LRP1B: variants seen among roughly 807,000 people sequenced by gnomAD.
The protein encoded by LRP1B is low-density lipoprotein receptor-related protein 1B.
Under a neutral mutation model 556.6 loss-of-function variants are expected in LRP1B, and 217 were observed. The observed-to-expected ratio is 0.39, with a 90% CI of 0.35 to 0.44. LRP1B has a LOEUF of 0.44. Among genes scored for constraint, LRP1B ranks in the 20% least tolerant of loss-of-function variants. The pLI is 1.00. For synonymous variants in LRP1B, 2,047 were observed against 1,865.8 expected (o/e 1.10, Z -2.50); for missense variants, 5,053 against 5,620.8 (o/e 0.90, Z 3.23).
chr2:141,365,199 A>G (rs976542322), intron 3 of LRP1B, among the ~76,000 whole-genome samples: 1 of 151,924 alleles, frequency 6.6e-6, no homozygotes, highest in Non-Finnish European at 1.5e-5. Flanking sequence ...TGAAAGAAAA[A>G]AAATTATGAT....
intron 2 of LRP1B, among the ~76,000 whole-genome samples, 181 bp downstream of exon 2, chr2:141,810,098 A>G (rs1335493318): frequency 5.2e-5 from 7 of 134,896 alleles, no homozygotes. Flanking sequence ...TTTGGAAAAA[A>G]GAAAGAAAGA....
At chr2:140,820,866 T>C (rs889901622) in intron 31 of LRP1B, among the ~76,000 whole-genome samples, 3 of 151,926 alleles carry the variant, frequency 2.0e-5, no homozygotes, top group African/African-American at 7.2e-5. Flanking sequence ...CTGCTTTTCT[T>C]TTCTGCTGAT....
chr2:140,969,671 C>T (rs1438061351), intron 18 of LRP1B, among the ~76,000 whole-genome samples: 3 of 152,130 alleles, frequency 2.0e-5, no homozygotes, highest in Non-Finnish European at 4.4e-5. Context: ...ACCGGTGATT[C>T]TGTTCCATGT....
At chr2:140,710,039 T>C (rs1445117086) in intron 37 of LRP1B, among the ~76,000 whole-genome samples, 1 of 152,078 alleles carries the variant, frequency 6.6e-6, no homozygotes, top group Non-Finnish European at 1.5e-5. Flanking sequence ...TGACATAATA[T>C]TTTTAAAATG....
In LRP1B at chr2:140,701,792, G is replaced by T. The variant is rs147598746; in HGVS notation, c.6356C>A (p.Thr2119Lys). 2 of 1,613,104 alleles carry T rather than the reference G, an allele frequency of 1.2e-6. No homozygotes were observed. The highest frequency in any genetic ancestry group is 1.7e-4 in the Middle Eastern group (1 of 6,056). The change falls in exon 40 of 91, where the codon ACG (threonine) becomes AAG (lysine). Residue 2119 changes from threonine (T) to lysine (K), a missense_variant. Around this residue, in one of 5 missense-constraint regions of LRP1B, gnomAD observed 3,619 missense variants for 3,931.9 expected, o/e 0.92. Transcript: ENST00000389484. ...RRGHKNDATE[T>K]ITMRTGLGVN... is the part of the protein sequence containing the mutation. ...TCCAAGGCCGGTTCTCATGGTTATCGTTTCTGTGGCATCATTCTTGTGGCC... is the reference window on the plus strand; with the variant it reads ...TCCAAGGCCGGTTCTCATGGTTATCTTTTCTGTGGCATCATTCTTGTGGCC...
At chr2:141,678,243 A>G (rs1690963068) in intron 2 of LRP1B, among the ~76,000 whole-genome samples, 1 of 152,216 alleles carries the variant, frequency 6.6e-6, no homozygotes, top group Admixed American at 6.5e-5. Flanking sequence ...TAGGAAAAGA[A>G]TATCAGCTAT....
At chr2:140,386,605 T>C (rs773416424) in intron 66 of LRP1B, among the ~76,000 whole-genome samples, 1 of 152,170 alleles carries the variant, frequency 6.6e-6, no homozygotes, top group Non-Finnish European at 1.5e-5. Flanking sequence ...CTTTAAACAA[T>C]TGCACTGAGT....
intron 1 of LRP1B, among the ~76,000 whole-genome samples, chr2:142,026,392 C>T (rs1266161784): frequency 2.6e-5 from 4 of 152,058 alleles, no homozygotes; most frequent in East Asian, 3.9e-4. Flanking sequence ...ATCATTCCTG[C>T]GACCAGCCTC....
chr2:141,231,072 C>T (rs1207311096), intron 5 of LRP1B, among the ~76,000 whole-genome samples: 1 of 152,172 alleles, frequency 6.6e-6, no homozygotes, highest in Non-Finnish European at 1.5e-5. Context: ...ATTTATTTAA[C>T]CTATGAAGGG....
At chr2:141,363,347 T>G (rs1688905714) in intron 3 of LRP1B, among the ~76,000 whole-genome samples, 1 of 152,170 alleles carries the variant, frequency 6.6e-6, no homozygotes, top group Non-Finnish European at 1.5e-5. Flanking sequence ...TATTTCTTTC[T>G]CTATTGAGGG....
At chr2:141,552,619 T>C (rs1685795032) in intron 2 of LRP1B, among the ~76,000 whole-genome samples, 1 of 152,000 alleles carries the variant, frequency 6.6e-6, no homozygotes. Context: ...CCTCATAACA[T>C]AGCAAATGTA....
intron 1 of LRP1B, among the ~76,000 whole-genome samples, chr2:141,895,454 G>A (rs1198074000): frequency 1.3e-5 from 2 of 152,076 alleles, no homozygotes; most frequent in African/African-American, 2.4e-5. Context: ...CTTTTGATTT[G>A]GTTTACTTAT....
intron 18 of LRP1B, among the ~76,000 whole-genome samples, chr2:140,980,590 G>C (rs954755293): frequency 3.3e-5 from 5 of 152,082 alleles, no homozygotes; most frequent in Non-Finnish European, 7.4e-5. Flanking sequence ...TGTTTACAGG[G>C]ACATAATAGT....
At chr2:142,001,102 C>T (rs1214081957) in intron 1 of LRP1B, among the ~76,000 whole-genome samples, 1 of 152,152 alleles carries the variant, frequency 6.6e-6, no homozygotes, top group African/African-American at 2.4e-5. Context: ...GTAATATGTG[C>T]TTTTCGCCTT....
intron 86 of LRP1B, among the ~76,000 whole-genome samples, chr2:140,263,400 C>A (rs1386758774): frequency 6.6e-6 from 1 of 152,098 alleles, no homozygotes; most frequent in Non-Finnish European, 1.5e-5. Context: ...TCCTTTATAG[C>A]AAATGACTTT....
At chr2:140,705,371 A>G (rs1686792206) in intron 37 of LRP1B, among the ~76,000 whole-genome samples, 2 of 151,756 alleles carry the variant, frequency 1.3e-5, no homozygotes, top group Admixed American at 6.6e-5. Context: ...TAAAAATACA[A>G]AAATTAGCCT....
At chr2:140,262,604 C>A (rs17385785) in intron 86 of LRP1B, among the ~76,000 whole-genome samples, 4,397 of 152,190 alleles carry the variant, frequency 0.029, 77 homozygotes, top group South Asian at 0.058. Context: ...AGATACTGGA[C>A]AATAAATGGG....
At chr2:141,784,468 C>G (rs1243017327) in intron 2 of LRP1B, among the ~76,000 whole-genome samples, 1 of 151,884 alleles carries the variant, frequency 6.6e-6, no homozygotes, top group African/African-American at 2.4e-5. Context: ...CCTAGTTATT[C>G]CAATAAGAGT....
At chr2:141,395,767 A>C (rs1159472849) in intron 3 of LRP1B, among the ~76,000 whole-genome samples, 1 of 152,192 alleles carries the variant, frequency 6.6e-6, no homozygotes. Flanking sequence ...AAAAATAAAA[A>C]GATACTGCAT....
Sources: allele counts gnomAD v4.1 joint callset (sites outside exome capture counted in the v4.1 genomes callset), GRCh38; gene constraint gnomAD v4.1.1; regional missense constraint gnomAD v4.1.1; transcripts MANE v1.5; gene names NCBI Gene and HGNC (gene_info 2026-07-23, HGNC 2026-07-21).